Variants in CFI observed in about 807,000 individuals in gnomAD.
The protein encoded by CFI is complement factor I.
CFI carries 66 observed loss-of-function variants against 78.8 expected under a neutral mutation model. The ratio of observed to expected loss-of-function variants is 0.84; its 90% CI spans 0.69 to 1.03. CFI has a LOEUF of 1.03. Among genes scored for constraint, CFI ranks in the 50% least tolerant of loss-of-function variants. CFI has a pLI of 0.00. For missense variants in CFI, 706 were observed against 704.5 expected (o/e 1.00, Z -0.02); for synonymous variants, 250 against 232.6 (o/e 1.07, Z -0.68).
chr4:109,783,812 G>GAGAT (rs375076885), intron 1 of CFI, among the ~76,000 whole-genome samples: 1 of 113,002 alleles, frequency 8.8e-6, no homozygotes. Context: ...AAGAAACTGT[G>GAGAT]ATATATATAT....
At chr4:109,756,794 G>T (rs1206956575) in intron 7 of CFI, among the ~76,000 whole-genome samples, 1 of 151,278 alleles carries the variant, frequency 6.6e-6, no homozygotes, top group African/African-American at 2.4e-5. Flanking sequence ...GGGAGGTGGA[G>T]GTTGCAGTGA....
rs536520255 is a variant in CFI, at chr4:109,778,103, G to C, written c.58-11279C>G. 4.6e-5 allele frequency among the ~76,000 whole-genome samples: 7 copies of C among 152,272 alleles called. No homozygotes were observed. The South Asian group carries it at 1.2e-3, about 27-fold the overall frequency. ...GAAGCAAGAGCAAACACATTCAAAA[G>C]CTAGCAGAAGGCAAGAAATAACTAA... On this transcript the variant is annotated intron_variant, in intron 1 of 12. Coordinates refer to ENST00000394634, the MANE Select transcript of CFI (RefSeq NM_000204.5).
chr4:109,760,863 G>C (rs1275304007), intron 4 of CFI, among the ~76,000 whole-genome samples: 1 of 152,196 alleles, frequency 6.6e-6, no homozygotes, highest in Admixed American at 6.5e-5. Flanking sequence ...TATTAATTGT[G>C]AAAGTCTATA....
chr4:109,797,119 C>A (rs1023057149), intron 1 of CFI, among the ~76,000 whole-genome samples: 1 of 152,100 alleles, frequency 6.6e-6, no homozygotes, highest in Non-Finnish European at 1.5e-5. Flanking sequence ...ATAGCCAAAA[C>A]AATTTTTTGA....
chr4:109,746,767 G>A (rs1724517919), intron 10 of CFI, among the ~76,000 whole-genome samples: 1 of 152,158 alleles, frequency 6.6e-6, no homozygotes, highest in East Asian at 1.9e-4. Context: ...ATGCCCAAAA[G>A]TGGAATGAGT....
chr4:109,766,792 C>T lies in CFI; in HGVS notation c.90G>A (p.Glu30=). ...TATATTTTTTTGCTAAGCACTTTTTCTCCACCAGATCCTCTTGAGATGTAT... is the reference window on the plus strand; with the variant it reads ...TATATTTTTTTGCTAAGCACTTTTTTTCCACCAGATCCTCTTGAGATGTAT... ...VTYTSQEDLV[E]KKCLAKKYTH... Residue 30 remains glutamate, a synonymous_variant, in exon 2 of 13, where the codon GAG becomes GAA. Transcript: ENST00000394634. The T allele has an allele frequency of 6.2e-7, 1 of 1,614,144 alleles. No individual in the cohort carries two copies. Among genetic ancestry groups the T allele is most frequent in the Non-Finnish European group, 8.5e-7 (1 of 1,180,014 alleles).
chr4:109,736,514 G>A (rs762706419), downstream of CFI, among the ~76,000 whole-genome samples: 7 of 152,218 alleles, frequency 4.6e-5, no homozygotes, highest in Non-Finnish European at 1.0e-4. Flanking sequence ...TGAAGGGCAA[G>A]AGATGGCTGC....
intron 6 of CFI, chr4:109,760,020 G>T: frequency 4.7e-6 from 3 of 634,378 alleles, no homozygotes. Context: ...CTTAAGGATT[G>T]GTTCTAATGG....
chr4:109,754,498 C>T (rs900221423), intron 7 of CFI, among the ~76,000 whole-genome samples: 9 of 146,078 alleles, frequency 6.2e-5, no homozygotes, highest in Non-Finnish European at 1.0e-4. Context: ...CTCTGCCATT[C>T]TAGAACATTT....
chr4:109,778,606 A>G (rs1050989543), intron 1 of CFI, among the ~76,000 whole-genome samples: 13 of 152,192 alleles, frequency 8.5e-5, no homozygotes, highest in African/African-American at 2.7e-4. Flanking sequence ...ATAGAAAAAG[A>G]GGGAATCCTC....
rs1579282835 is a variant in CFI, at chr4:109,780,796, A to T, written c.58-13972T>A. On this transcript the variant is annotated intron_variant, in intron 1 of 12. Transcript: ENST00000394634. Reference sequence around the variant, plus strand: ...GATTAAGAAAACGTGGAACATATACACCATGGAATACTATGCAGCCATAAA... The same window carrying T: ...GATTAAGAAAACGTGGAACATATACTCCATGGAATACTATGCAGCCATAAA... Among the ~76,000 whole-genome samples the T allele has an allele frequency of 5.3e-5, 8 of 152,300 alleles. No homozygotes were observed. The South Asian group carries it at 1.5e-3, about 28-fold the overall frequency.
intron 6 of CFI, among the ~76,000 whole-genome samples, chr4:109,758,797 G>T (rs1726643682): frequency 6.6e-6 from 1 of 152,174 alleles, no homozygotes; most frequent in Admixed American, 6.5e-5. Flanking sequence ...GACTCATCAA[G>T]AATTCTTGCC....
rs75594217 is a variant in CFI at position 109,790,007 on chromosome 4, T to C, written c.57+11908A>G. Among the ~76,000 whole-genome samples, 1,126 of 152,198 alleles carry C rather than the reference T, an allele frequency of 7.4e-3. 12 individuals carry two copies. Among genetic ancestry groups the C allele is most frequent in the African/African-American group, 0.026 (1,068 of 41,550 alleles). ...AATACTTTTACTTGCTATAGGTCTG[T>C]TCAGATTTTCTAATTCTTCTTGAAT... On this transcript the variant is annotated intron_variant, in intron 1 of 12. Transcript: ENST00000394634.
chr4:109,744,984 G>A (rs1203182054), intron 11 of CFI, among the ~76,000 whole-genome samples: 1 of 152,044 alleles, frequency 6.6e-6, no homozygotes, highest in Admixed American at 6.6e-5. Context: ...AGAAGTTTTA[G>A]GTATTCAGAC....
In CFI at chr4:109,778,021, G is replaced by A. The variant is rs1018173250; in HGVS notation, c.58-11197C>T. On this transcript the variant is annotated intron_variant, in intron 1 of 12. Transcript: ENST00000394634. ...AATTTATAGCACTAAATGCCCACAA[G>A]AGAAAGCAGGAAAGATCTAAAATTG... Among the ~76,000 whole-genome samples, 26 of 152,232 alleles carry A rather than the reference G, an allele frequency of 1.7e-4. 1 individual carries two copies. Among genetic ancestry groups the A allele is most frequent in the African/African-American group, 6.0e-4 (25 of 41,546 alleles).
At chr4:109,745,421 C>A (rs1444573508) in intron 11 of CFI, among the ~76,000 whole-genome samples, 1 of 152,132 alleles carries the variant, frequency 6.6e-6, no homozygotes, top group African/African-American at 2.4e-5. Context: ...CCTGCCTCGG[C>A]CTCCCAAAGT....
intron 1 of CFI, among the ~76,000 whole-genome samples, chr4:109,769,653 A>T (rs1270793012): frequency 6.6e-6 from 1 of 151,996 alleles, no homozygotes; most frequent in Non-Finnish European, 1.5e-5. Context: ...TGCTGGCAGT[A>T]CCTCTCCTCC....
At chr4:109,800,634 C>T (rs1420488830) in intron 1 of CFI, among the ~76,000 whole-genome samples, 1 of 151,856 alleles carries the variant, frequency 6.6e-6, no homozygotes, top group African/African-American at 2.4e-5. Flanking sequence ...TCAGTAAAAC[C>T]GAAAACAGAA....
rs968428003 is a variant in CFI at position 109,742,501 on chromosome 4, C to A, written c.1524G>T (p.Met508Ile). 4.4e-6 allele frequency: 7 copies of A among 1,608,770 alleles called. No homozygotes were observed. The Admixed American group carries it at 8.3e-5, about 19-fold the overall frequency. The change falls in exon 12 of 13, where the codon ATG becomes ATT. Residue 508 changes from methionine to isoleucine, a missense_variant. By Grantham distance (10) the Met-to-Ile change is conservative. Transcript: ENST00000394634. ...FYGNRFYEKE[M>I]ECAGTYDGSI... ...CCACTTGGCACTTACCTGCACATTC[C>A]ATTTCTTTTTCATAGAAACGATTTC... is the stretch of plus-strand genomic sequence containing the variant.
Sources: allele counts gnomAD v4.1 joint callset (sites outside exome capture counted in the v4.1 genomes callset), GRCh38; gene constraint gnomAD v4.1.1; transcripts MANE v1.5; gene names NCBI Gene and HGNC (gene_info 2026-07-23, HGNC 2026-07-21).